Variants in U2AF2 observed in about 807,000 individuals in gnomAD.
U2AF2 encodes U2 small nuclear RNA auxiliary factor 2.
Under a neutral mutation model 52.6 loss-of-function variants are expected in U2AF2, and 6 were observed. That is an observed-to-expected ratio of 0.11 (90% CI 0.06 to 0.23). The LOEUF is 0.23. Among genes scored for constraint, U2AF2 ranks in the 10% least tolerant of loss-of-function variants. The pLI is 1.00. For synonymous variants in U2AF2, 284 were observed against 258.2 expected (o/e 1.10, Z -0.96); for missense variants, 222 against 677.1 (o/e 0.33, Z 7.46).
At chr19:55,673,873 G>A in intron 11 of U2AF2, 61 bp from the exon 12 acceptor site, 2 of 1,560,810 alleles carry the variant, frequency 1.3e-6, no homozygotes, top group Non-Finnish European at 1.7e-6. Flanking sequence ...GGGTTGGGTG[G>A]ACGCTGACTG....
intron 11 of U2AF2, among the ~76,000 whole-genome samples, chr19:55,672,699 A>G (rs1984996315): frequency 6.6e-6 from 1 of 150,702 alleles, no homozygotes; most frequent in Non-Finnish European, 1.5e-5. Context: ...CTTAGTGCCT[A>G]TTCCATGTTC....
intron 1 of U2AF2, among the ~76,000 whole-genome samples, chr19:55,656,115 C>T (rs558836616): frequency 3.3e-5 from 5 of 152,252 alleles, no homozygotes; most frequent in African/African-American, 1.2e-4. Context: ...AAGCCTGGGG[C>T]CCTGATCTTA....
chr19:55,669,661 T>C lies in U2AF2; in HGVS notation c.1262T>C (p.Val421Ala), dbSNP rs775896848. The C allele has an allele frequency of 1.2e-6, 2 of 1,611,660 alleles. No individual in the cohort carries two copies. The highest frequency in any genetic ancestry group is 1.7e-6 in the Non-Finnish European group (2 of 1,179,178). Residue 421 changes from valine (V) to alanine (A), a missense_variant, in exon 11 of 12, where the codon GTG becomes GCG. This residue lies in a region of U2AF2 where 71 missense variants were observed against 180.6 expected (regional missense o/e 0.39). Transcript: ENST00000308924. Reference sequence around the variant, plus strand: ...AAGTCCATCGAGATCCCCCGGCCTGTGGACGGCGTCGAGGTGCCCGGCTGC... The same window carrying C: ...AAGTCCATCGAGATCCCCCGGCCTGCGGACGGCGTCGAGGTGCCCGGCTGC... ...LVKSIEIPRP[V>A]DGVEVPGCGK...
At chr19:55,660,109 G>A (rs1435104269) in intron 2 of U2AF2, 68 bp from the exon 3 acceptor site, 3 of 1,494,796 alleles carry the variant, frequency 2.0e-6, no homozygotes, top group Non-Finnish European at 1.8e-6. Context: ...CCTTGGGGGG[G>A]TGTGGCATGT....
At chr19:55,655,473 T>A (rs1156464389) in intron 1 of U2AF2, among the ~76,000 whole-genome samples, 1 of 152,264 alleles carries the variant, frequency 6.6e-6, no homozygotes, top group Non-Finnish European at 1.5e-5. Context: ...TTTTGTTTTT[T>A]AAAATCTTTT....
intron 6 of U2AF2, 61 bp downstream of exon 6, chr19:55,662,679 G>A (rs939480667): frequency 1.4e-5 from 21 of 1,459,308 alleles, no homozygotes; most frequent in Admixed American, 6.9e-5. Context: ...CCAGCCCTTA[G>A]GCTGATGTTG....
chr19:55,660,047 C>A, intron 2 of U2AF2, 130 bp from the exon 3 acceptor site: 1 of 725,966 alleles, frequency 1.4e-6, no homozygotes, highest in Non-Finnish European at 2.2e-6. Flanking sequence ...CCGAGGGTGG[C>A]CTGCTTGCTG....
In U2AF2 at chr19:55,673,921, C is replaced by T. The variant is rs762818203; in HGVS notation, c.1294-13C>T. 2.5e-5 allele frequency: 40 copies of T among 1,606,172 alleles called. No homozygotes were observed. Among genetic ancestry groups the T allele is most frequent in the Non-Finnish European group, 3.2e-5 (38 of 1,175,350 alleles). On this transcript the variant is annotated splice_polypyrimidine_tract_variant and intron_variant, in intron 11 of 11. Transcript: ENST00000308924. ...GAGCCTTGTTCACAAACCTGCCTCT[C>T]CTTTCCCCACAGATCTTTGTGGAGT...
At chr19:55,664,595 C>G (rs1392032677) in intron 7 of U2AF2, among the ~76,000 whole-genome samples, 1 of 152,064 alleles carries the variant, frequency 6.6e-6, no homozygotes, top group Non-Finnish European at 1.5e-5. Context: ...ACTCACTGTT[C>G]GAGGAGCCCT....
intron 11 of U2AF2, chr19:55,670,764 T>TGA (rs1399636474): frequency 3.2e-5 from 6 of 186,642 alleles, no homozygotes; most frequent in African/African-American, 1.4e-4. Context: ...GAAGCAATAC[T>TGA]GAGAGGCCTC....
In U2AF2 at chr19:55,663,588, C is replaced by T. The variant is rs781250989; in HGVS notation, c.604-18C>T. ...TCCCTGACCCCCATCCCTCACCACT[C>T]CTTTCTCTTTCATTCAGTTCCGCTC... On this transcript the variant is annotated intron_variant, in intron 6 of 11. Coordinates refer to ENST00000308924, the MANE Select transcript of U2AF2 (RefSeq NM_007279.3). 1.9e-6 allele frequency: 3 copies of T among 1,612,064 alleles called. No homozygotes were observed. Among genetic ancestry groups the T allele is most frequent in the African/African-American group, 2.7e-5 (2 of 74,908 alleles).
At chr19:55,657,149 C>T (rs2123669058) in intron 1 of U2AF2, among the ~76,000 whole-genome samples, 1 of 152,350 alleles carries the variant, frequency 6.6e-6, no homozygotes, top group South Asian at 2.1e-4. Context: ...GGTGCTTCAC[C>T]GGTTCTCCCG....
intron 1 of U2AF2, among the ~76,000 whole-genome samples, chr19:55,657,571 C>T (rs774512465): frequency 1.3e-5 from 2 of 152,192 alleles, no homozygotes; most frequent in Non-Finnish European, 2.9e-5. Flanking sequence ...ACAGCCTGTC[C>T]ATCTTATAAG....
intron 11 of U2AF2, 68 bp downstream of exon 11, chr19:55,669,760 C>T: frequency 6.7e-7 from 1 of 1,497,618 alleles, no homozygotes; most frequent in Non-Finnish European, 8.9e-7. Context: ...CCTCTTTCTT[C>T]CTCTCTTGCT....
chr19:55,661,007 G>T, intron 4 of U2AF2, 31 bp from the exon 5 acceptor site: 1 of 1,552,000 alleles, frequency 6.4e-7, no homozygotes, highest in Non-Finnish European at 8.8e-7. Flanking sequence ...TCCCCTGATG[G>T]GGTTTTATCC....
Position 55,669,180 on chromosome 19 carries a change from C to G in U2AF2, c.1043C>G (p.Pro348Arg). ...AAGAATGCCACGCTGGTGAGCCCCC[C>G]GGCACGTCATCTTCCATTGGCTTGA... ...GAKNATLVSP[P>R]STINQTPVTL... The change falls in exon 10 of 12, where the codon CCG becomes CGG. Residue 348 changes from proline to arginine, a missense_variant and splice_region_variant. Pro to Arg is a moderately radical substitution (Grantham distance 103, BLOSUM62 -2). This residue lies in a region of U2AF2 where 71 missense variants were observed against 180.6 expected (regional missense o/e 0.39). Transcript: ENST00000308924. 1 of 1,613,750 alleles carries G rather than the reference C, an allele frequency of 6.2e-7. No homozygotes were observed. The highest frequency in any genetic ancestry group is 8.5e-7 in the Non-Finnish European group (1 of 1,179,874).
intron 11 of U2AF2, among the ~76,000 whole-genome samples, chr19:55,672,732 T>A (rs1462357796): frequency 6.6e-6 from 1 of 151,344 alleles, no homozygotes; most frequent in African/African-American, 2.4e-5. Context: ...CTCAAGAATT[T>A]TTTTTTTTTT....
chr19:55,662,719 G>A, intron 6 of U2AF2, 101 bp downstream of exon 6: 1 of 1,023,134 alleles, frequency 9.8e-7, no homozygotes, highest in South Asian at 1.5e-5. Context: ...GTTTCCACCA[G>A]GCCCTCTGCA....
In U2AF2 at chr19:55,674,558, G is replaced by A. The variant is rs1279892785; in HGVS notation, c.*490G>A. On this transcript the variant is annotated 3_prime_UTR_variant, in exon 12 of 12. Coordinates refer to ENST00000308924, the MANE Select transcript of U2AF2 (RefSeq NM_007279.3). ...GTTCCTTCGGCCTCTGGTCCTCTCT[G>A]GTCCCCTCCTGGGTTTCTTACGTAG... 6.5e-6 allele frequency: 1 copy of A among 154,828 alleles called. No individual in the cohort carries two copies. The highest frequency in any genetic ancestry group is 2.4e-5 in the African/African-American group (1 of 41,396). 9.6% of individuals were successfully genotyped at this position (154,828 alleles called of 1,614,324 possible).
Sources: allele counts gnomAD v4.1 joint callset (sites outside exome capture counted in the v4.1 genomes callset), GRCh38; gene constraint gnomAD v4.1.1; regional missense constraint gnomAD v4.1.1; transcripts MANE v1.5; gene names NCBI Gene and HGNC (gene_info 2026-07-23, HGNC 2026-07-21).